WFDC1: variants seen among roughly 807,000 people sequenced by gnomAD.
The protein encoded by WFDC1 is WAP four-disulfide core domain 1.
A neutral mutation model predicts 32.9 loss-of-function variants in WFDC1; 39 were observed. The observed-to-expected ratio is 1.19, with a 90% CI of 0.92 to 1.55. The LOEUF is 1.55. Among genes scored for constraint, WFDC1 ranks in the 40% most tolerant of loss-of-function variants. The pLI is 0.00. For synonymous variants in WFDC1, 184 were observed against 137.4 expected, an observed-to-expected ratio of 1.34 and a Z score of -2.37; for missense variants, 386 against 309.5, an observed-to-expected ratio of 1.25 and a Z score of -1.85.
chr16:84,314,396 C>G (rs867350983), intron 2 of WFDC1, among the ~76,000 whole-genome samples: 1 of 152,098 alleles, frequency 6.6e-6, no homozygotes, highest in South Asian at 2.1e-4. Context: ...TCTCCACCCT[C>G]GGCTCTGCTC....
chr16:84,309,711 G>A (rs1907496606), intron 1 of WFDC1, among the ~76,000 whole-genome samples: 1 of 152,076 alleles, frequency 6.6e-6, no homozygotes. Context: ...CCCAACTCCA[G>A]AGGTTCCTTC....
At chr16:84,300,966 C>A (rs1749147170) in intron 1 of WFDC1, among the ~76,000 whole-genome samples, 1 of 139,300 alleles carries the variant, frequency 7.2e-6, no homozygotes, top group Non-Finnish European at 1.6e-5. Context: ...CAGAGTGAGA[C>A]TTCATCTCAA....
intron 4 of WFDC1, among the ~76,000 whole-genome samples, chr16:84,324,123 G>A (rs200636565): frequency 1.1e-4 from 16 of 149,376 alleles, no homozygotes; most frequent in Non-Finnish European, 8.9e-5. Context: ...TCGTCTAAAA[G>A]AAAAAAAAAA....
Position 84,319,550 on chromosome 16 carries a change from G to A in WFDC1, c.541G>A (p.Val181Ile), listed in dbSNP as rs35464240. 3.2e-3 allele frequency: 5,199 copies of A among 1,612,756 alleles called. 131 individuals are homozygous for A. In the African/African-American group the frequency reaches 0.06, roughly 18 times the overall value. Reference protein sequence around the residue: ...AEGIPNRGQCVKQRRQADGRI... With the variant: ...AEGIPNRGQCIKQRRQADGRI... ...AGGTATCCCCAACCGTGGGCAGTGC[G>A]TCAAGCAGCGCCGGCAAGCAGGTGA... Residue 181 changes from valine (V) to isoleucine (I), a missense_variant, in exon 4 of 7, where the codon GTC becomes ATC. Physicochemically the swap from Val to Ile is conservative, Grantham distance 29. Coordinates refer to ENST00000219454, the MANE Select transcript of WFDC1 (RefSeq NM_021197.4).
At chr16:84,326,046 C>G (rs1388975456) in intron 5 of WFDC1, 1 of 7,120 alleles carries the variant, frequency 1.4e-4, no homozygotes, top group Non-Finnish European at 1.5e-3. Context: ...ATCCAGCCAG[C>G]CACTATCCAT....
At chr16:84,307,411 C>T (rs529030033) in intron 1 of WFDC1, among the ~76,000 whole-genome samples, 1 of 152,298 alleles carries the variant, frequency 6.6e-6, no homozygotes, top group South Asian at 2.1e-4. Context: ...CACTCACGAC[C>T]ATCTGTTGTT....
At chr16:84,325,827 C>A (rs1311246591) in intron 5 of WFDC1, 3 of 152,200 alleles carry the variant, frequency 2.0e-5, no homozygotes, top group Non-Finnish European at 4.4e-5. Context: ...TATATCCACT[C>A]ATCTATTTGC....
intron 1 of WFDC1, 147 bp from the exon 2 acceptor site, chr16:84,312,814 G>A (rs1597678972): frequency 3.0e-6 from 1 of 333,328 alleles, no homozygotes; most frequent in Non-Finnish European, 4.7e-6. Context: ...CGCCCTCCGA[G>A]GCTGGCTCTG....
At chr16:84,296,180 C>T (rs957582232) in intron 1 of WFDC1, among the ~76,000 whole-genome samples, 1 of 152,228 alleles carries the variant, frequency 6.6e-6, no homozygotes, top group Admixed American at 6.5e-5. Context: ...GCACCCACAG[C>T]ACCTGTGTGA....
chr16:84,324,282 A>T (rs913071163), intron 4 of WFDC1, 137 bp from the exon 5 acceptor site: 1 of 720,308 alleles, frequency 1.4e-6, no homozygotes. Context: ...ATGCTCATGT[A>T]GCCTCTGAAC....
At chr16:84,305,548 C>G (rs181775259) in intron 1 of WFDC1, among the ~76,000 whole-genome samples, 1 of 152,212 alleles carries the variant, frequency 6.6e-6, no homozygotes, top group Non-Finnish European at 1.5e-5. Flanking sequence ...TAGGTTTCTT[C>G]TGCATCTGCT....
intron 4 of WFDC1, among the ~76,000 whole-genome samples, chr16:84,323,447 AC>A (rs1299825959): frequency 6.6e-6 from 1 of 152,242 alleles, no homozygotes; most frequent in Non-Finnish European, 1.5e-5. Context: ...CTTTCCTGCT[AC>A]CATGGGGTGG....
intron 1 of WFDC1, among the ~76,000 whole-genome samples, chr16:84,298,961 C>A (rs754947539): frequency 3.3e-5 from 5 of 152,190 alleles, no homozygotes; most frequent in Non-Finnish European, 5.9e-5. Flanking sequence ...ACAGTAGTGC[C>A]TGCTTTGCAG....
intron 1 of WFDC1, among the ~76,000 whole-genome samples, chr16:84,308,116 TG>T (rs1300423580): frequency 6.6e-6 from 1 of 152,052 alleles, no homozygotes; most frequent in African/African-American, 2.4e-5. Context: ...GAAGCAGGGA[TG>T]GGGGCCAGGG....
chr16:84,318,554 A>G, intron 3 of WFDC1, 199 bp downstream of exon 3: 1 of 573,646 alleles, frequency 1.7e-6, no homozygotes, highest in Non-Finnish European at 3.2e-6. Flanking sequence ...AAAGCCCAGT[A>G]CAGAATAAGG....
At position 84,329,427 on chromosome 16, in the gene WFDC1, A is replaced by G. The variant is rs1908794897; in HGVS notation, c.*121A>G. On this transcript the variant is annotated 3_prime_UTR_variant, in exon 7 of 7. Transcript: ENST00000219454. The stretch of plus-strand genomic sequence containing the variant: ...ATTCAGCTCAGCAGAGCAAGACCCC[A>G]GAGATGCTTAGAGACAGGACACCTG... 1 of 152,150 alleles carries G rather than the reference A, an allele frequency of 6.6e-6. No individual in the cohort carries two copies. The highest frequency in any genetic ancestry group is 2.4e-5 in the African/African-American group (1 of 41,422). The allele number at this position is 152,150 out of a possible 1,614,324, so 9.4% of individuals were successfully genotyped here. A position where few individuals can be genotyped will look rare whatever the true frequency, so the allele number is the denominator to read the frequency against.
chr16:84,319,915 A>T (rs1417308317), intron 4 of WFDC1, among the ~76,000 whole-genome samples: 1 of 152,164 alleles, frequency 6.6e-6, no homozygotes, highest in African/African-American at 2.4e-5. Context: ...GTGGGGCGTG[A>T]CTGAAATCAT....
chr16:84,303,786 A>C (rs1441189221), intron 1 of WFDC1, among the ~76,000 whole-genome samples: 1 of 152,070 alleles, frequency 6.6e-6, no homozygotes, highest in African/African-American at 2.4e-5. Flanking sequence ...GTTCCCATCA[A>C]CCCTACAGGA....
At chr16:84,316,220 T>C (rs1907940297) in intron 2 of WFDC1, 1 of 152,218 alleles carries the variant, frequency 6.6e-6, no homozygotes, top group Non-Finnish European at 1.5e-5. Flanking sequence ...TGCTGGCTCC[T>C]TTCTCTGCTG....
Sources: allele counts gnomAD v4.1 joint callset (sites outside exome capture counted in the v4.1 genomes callset), GRCh38; gene constraint gnomAD v4.1.1; transcripts MANE v1.5; gene names NCBI Gene and HGNC (gene_info 2026-07-23, HGNC 2026-07-21).